GALNTL6: variants seen among roughly 807,000 people sequenced by gnomAD.
GALNTL6 encodes polypeptide N-acetylgalactosaminyltransferase like 6.
A neutral mutation model predicts 73.7 loss-of-function variants in GALNTL6; 46 were observed. The observed-to-expected ratio is 0.62, with a 90% CI of 0.49 to 0.80. The LOEUF is 0.80. GALNTL6 is among the 30% of genes least tolerant of loss of function. The pLI, the probability that GALNTL6 is intolerant of heterozygous loss-of-function variation, is 0.00. For synonymous variants in GALNTL6, 259 were observed against 263.7 expected (o/e 0.98, Z 0.17); for missense variants, 604 against 755.0 (o/e 0.80, Z 2.34).
chr4:172,749,601 AG>A (rs750348952), intron 5 of GALNTL6, among the ~76,000 whole-genome samples: 4 of 152,090 alleles, frequency 2.6e-5, no homozygotes, highest in Non-Finnish European at 5.9e-5. Flanking sequence ...CATGTCCCTA[AG>A]CCCCCCAAAT....
chr4:172,772,242 C>A (rs1738810416), intron 5 of GALNTL6, among the ~76,000 whole-genome samples: 1 of 152,104 alleles, frequency 6.6e-6, no homozygotes, highest in Non-Finnish European at 1.5e-5. Flanking sequence ...GGGGACATAG[C>A]CAAACCATAT....
chr4:172,657,324 G>T (rs1193874890), intron 5 of GALNTL6, among the ~76,000 whole-genome samples: 1 of 152,112 alleles, frequency 6.6e-6, no homozygotes, highest in African/African-American at 2.4e-5. Flanking sequence ...TGTGGCTCGC[G>T]ATAATTAATG....
At chr4:172,956,773 C>T (rs2126362582) in intron 10 of GALNTL6, among the ~76,000 whole-genome samples, 1 of 152,224 alleles carries the variant, frequency 6.6e-6, no homozygotes, top group Admixed American at 6.5e-5. Flanking sequence ...ATTGTCCAGT[C>T]CTTTTTAAGT....
intron 2 of GALNTL6, among the ~76,000 whole-genome samples, chr4:171,889,151 T>C (rs1476413415): frequency 1.3e-4 from 19 of 151,812 alleles, no homozygotes; most frequent in Admixed American, 1.2e-3. Flanking sequence ...CCAAGAAACA[T>C]CATAAAAAAA....
chr4:172,256,596 A>G (rs1385635414), intron 3 of GALNTL6, among the ~76,000 whole-genome samples: 1 of 151,330 alleles, frequency 6.6e-6, no homozygotes, highest in Non-Finnish European at 1.5e-5. Flanking sequence ...TTCTAGCTGC[A>G]TAGACCTGTG....
chr4:172,413,617 C>T (rs1744520698), intron 5 of GALNTL6, among the ~76,000 whole-genome samples: 1 of 149,920 alleles, frequency 6.7e-6, no homozygotes, highest in Non-Finnish European at 1.5e-5. Context: ...AGTAACTCTA[C>T]TTGACATTAA....
In GALNTL6 at chr4:173,040,757, CAA is replaced by C. The variant is rs376821807; in HGVS notation, c.*659_*660del. On this transcript the variant is annotated 3_prime_UTR_variant, in exon 13 of 13. Coordinates refer to ENST00000506823, the MANE Select transcript of GALNTL6 (RefSeq NM_001034845.3). ...TATATTTGCCATTTTTTTTTCAGAG[CAA>C]AGTTTCTTTTTTATGAAAGTTCATG... is the stretch of plus-strand genomic sequence containing the variant. 5.9e-5 allele frequency: 9 copies of C among 151,964 alleles called. No homozygotes were observed. The East Asian group carries it at 1.6e-3, about 26-fold the overall frequency. The allele number at this position is 151,964 out of a possible 1,614,324, so 9.4% of individuals were successfully genotyped here.
At chr4:171,922,094 T>G (rs557482161) in intron 2 of GALNTL6, among the ~76,000 whole-genome samples, 2,578 of 151,530 alleles carry the variant, frequency 0.017, 71 homozygotes, top group African/African-American at 0.06. Context: ...GTGTGTGTGG[T>G]GTGTGTGTTT....
chr4:172,012,628 A>G (rs974680212), intron 2 of GALNTL6, among the ~76,000 whole-genome samples: 2 of 151,912 alleles, frequency 1.3e-5, no homozygotes, highest in Non-Finnish European at 2.9e-5. Context: ...GAAGCTGCCT[A>G]CCCTCTGATG....
intron 5 of GALNTL6, among the ~76,000 whole-genome samples, chr4:172,384,890 C>T (rs1277543200): frequency 6.6e-6 from 1 of 151,928 alleles, no homozygotes; most frequent in Non-Finnish European, 1.5e-5. Flanking sequence ...AAATTATAGA[C>T]ATGGGCCACT....
intron 7 of GALNTL6, among the ~76,000 whole-genome samples, chr4:172,855,300 A>G (rs1436698535): frequency 1.3e-5 from 2 of 152,096 alleles, no homozygotes; most frequent in Non-Finnish European, 1.5e-5. Context: ...AAGTGGTAGA[A>G]ATTTACAGTT....
At chr4:172,964,702 C>T (rs754031930) in intron 10 of GALNTL6, among the ~76,000 whole-genome samples, 1 of 152,198 alleles carries the variant, frequency 6.6e-6, no homozygotes, top group Non-Finnish European at 1.5e-5. Flanking sequence ...CAAGGCTTTT[C>T]AGGTTTCTCC....
intron 5 of GALNTL6, among the ~76,000 whole-genome samples, chr4:172,697,955 C>G (rs1375830313): frequency 5.3e-5 from 8 of 152,188 alleles, no homozygotes; most frequent in Non-Finnish European, 1.2e-4. Flanking sequence ...CCTGGTCACT[C>G]TAAACCAATT....
At chr4:172,104,187 C>T (rs1481406238) in intron 2 of GALNTL6, among the ~76,000 whole-genome samples, 1 of 152,158 alleles carries the variant, frequency 6.6e-6, no homozygotes, top group Non-Finnish European at 1.5e-5. Context: ...TCGTGATCCG[C>T]CCGCCTCGGC....
chr4:172,780,309 T>C (rs1015439467), intron 5 of GALNTL6, among the ~76,000 whole-genome samples: 1 of 152,222 alleles, frequency 6.6e-6, no homozygotes. Context: ...AGTAGTTTAG[T>C]CTACCCAAAA....
intron 5 of GALNTL6, among the ~76,000 whole-genome samples, chr4:172,455,833 A>G (rs1279339680): frequency 6.6e-6 from 1 of 152,238 alleles, no homozygotes; most frequent in African/African-American, 2.4e-5. Context: ...CTCCCAGCAC[A>G]GCGCTCAAGC....
rs1213293130 is a variant in GALNTL6, at chr4:172,632,044, G to A, written c.554-177317G>A. 9.9e-5 allele frequency among the ~76,000 whole-genome samples: 15 copies of A among 152,210 alleles called. 1 individual carries two copies. In the East Asian group the frequency reaches 2.9e-3, roughly 29 times the overall value. The stretch of plus-strand genomic sequence containing the variant: ...TCTCTTGCCTGCTGCCATATAAGAT[G>A]TGACTTTGTTCCTCTTTTGCCCTCT... On this transcript the variant is annotated intron_variant, in intron 5 of 12. Coordinates refer to ENST00000506823, the MANE Select transcript of GALNTL6 (RefSeq NM_001034845.3).
chr4:171,850,365 C>A (rs1297989261), intron 2 of GALNTL6, among the ~76,000 whole-genome samples: 1 of 152,146 alleles, frequency 6.6e-6, no homozygotes, highest in Non-Finnish European at 1.5e-5. Flanking sequence ...CCATGGTCAG[C>A]GATCTTAGGA....
intron 5 of GALNTL6, among the ~76,000 whole-genome samples, chr4:172,768,359 G>A (rs1163635673): frequency 6.6e-6 from 1 of 152,202 alleles, no homozygotes; most frequent in Admixed American, 6.5e-5. Flanking sequence ...AGTGATACCA[G>A]TGGGGTATGG....
Sources: gnomAD v4.1 joint callset for allele counts (sites outside exome capture counted in the v4.1 genomes callset) on GRCh38, gnomAD v4.1.1 for gene constraint, MANE v1.5 for transcripts, NCBI Gene and HGNC (gene_info 2026-07-23, HGNC 2026-07-21) for gene names.